The following QKI variants were observed in gnomAD, a reference collection of about 807,000 sequenced individuals.
QKI encodes the protein QKI, KH domain containing RNA binding.
QKI carries 10 observed loss-of-function variants against 39.0 expected under a neutral mutation model. That is an observed-to-expected ratio of 0.26 (90% CI 0.16 to 0.43). QKI has a LOEUF of 0.43. QKI is among the 20% of genes least tolerant of loss of function. The pLI is 1.00. For synonymous variants in QKI, 204 were observed against 155.4 expected, an observed-to-expected ratio of 1.31 and a Z score of -2.33; for missense variants, 218 against 428.0, an observed-to-expected ratio of 0.51 and a Z score of 4.33.
chr6:163,503,137 A>ATTTTTT (rs57383986), intron 3 of QKI, among the ~76,000 whole-genome samples: 1 of 100,034 alleles, frequency 1.0e-5, no homozygotes, highest in Non-Finnish European at 2.0e-5. Flanking sequence ...GGCCCCTTGT[A>ATTTTTT]TTTTTTTTTT....
chr6:163,539,968 T>G (rs1781412752), intron 4 of QKI, among the ~76,000 whole-genome samples: 1 of 152,126 alleles, frequency 6.6e-6, no homozygotes, highest in African/African-American at 2.4e-5. Context: ...AGGTCAGTTT[T>G]TATATTAAGG....
Position 163,563,483 on chromosome 6 carries a change from C to T in QKI, c.698C>T (p.Ala233Val), listed in dbSNP as rs759804797. The T allele has an allele frequency of 1.9e-6, 3 of 1,614,070 alleles. No individual in the cohort carries two copies. The highest frequency in any genetic ancestry group is 2.5e-6 in the Non-Finnish European group (3 of 1,179,968). ...QAAPRIITGP[A>V]PVLPPAALRT... The stretch of plus-strand genomic sequence containing the variant: ...GCTCCAAGGATCATTACTGGGCCTG[C>T]GCCGGTTCTCCCACCAGCTGCCCTG... Residue 233 changes from alanine (A) to valine (V), a missense_variant, in exon 6 of 8, where the codon GCG becomes GTG. Transcript: ENST00000361752.
intron 3 of QKI, among the ~76,000 whole-genome samples, chr6:163,506,495 A>G (rs1430457604): frequency 1.3e-5 from 2 of 152,152 alleles, no homozygotes; most frequent in Non-Finnish European, 2.9e-5. Context: ...ATGATTTGTG[A>G]TATCTGGAAA....
intron 3 of QKI, among the ~76,000 whole-genome samples, chr6:163,528,123 T>G (rs960552320): frequency 6.6e-6 from 1 of 152,124 alleles, no homozygotes; most frequent in African/African-American, 2.4e-5. Flanking sequence ...GAAAGAATAC[T>G]TGACATGAAG....
intron 3 of QKI, among the ~76,000 whole-genome samples, chr6:163,534,693 A>G (rs1781084799): frequency 6.6e-6 from 1 of 152,214 alleles, no homozygotes; most frequent in Non-Finnish European, 1.5e-5. Flanking sequence ...ATGATGATGT[A>G]TGCTTCTAGT....
intron 4 of QKI, among the ~76,000 whole-genome samples, chr6:163,558,303 A>G (rs554781531): frequency 6.6e-6 from 1 of 152,310 alleles, no homozygotes; most frequent in South Asian, 2.1e-4. Context: ...CGTACTACCA[A>G]ATCTCATTGT....
intron 1 of QKI, among the ~76,000 whole-genome samples, chr6:163,438,400 G>T (rs545459177): frequency 1.3e-5 from 2 of 152,274 alleles, no homozygotes; most frequent in South Asian, 4.1e-4. Flanking sequence ...ATTGCTTAAA[G>T]ACAGTGATAG....
chr6:163,425,078 CACT>C (rs1270869080), intron 1 of QKI, among the ~76,000 whole-genome samples: 47 of 152,146 alleles, frequency 3.1e-4, no homozygotes, highest in African/African-American at 1.1e-3. Flanking sequence ...GCATGAGAGT[CACT>C]ACTAACATTC....
At chr6:163,568,375 G>T (rs940936216) in intron 7 of QKI, 1 of 985,588 alleles carries the variant, frequency 1.0e-6, no homozygotes, top group African/African-American at 1.7e-5. Flanking sequence ...ACATATTTTA[G>T]GAAGATTTTA....
intron 4 of QKI, among the ~76,000 whole-genome samples, chr6:163,553,084 T>C (rs1355640334): frequency 8.9e-6 from 1 of 112,896 alleles, no homozygotes; most frequent in Non-Finnish European, 1.8e-5. Context: ...ATTTATTTAT[T>C]TATTTATTTA....
intron 2 of QKI, among the ~76,000 whole-genome samples, chr6:163,465,090 T>G (rs1791635114): frequency 6.6e-6 from 1 of 152,076 alleles, no homozygotes. Context: ...AACCATAAGA[T>G]CATCTTAAAA....
intron 1 of QKI, among the ~76,000 whole-genome samples, chr6:163,420,305 G>C (rs758093684): frequency 5.9e-5 from 9 of 151,734 alleles, no homozygotes; most frequent in Non-Finnish European, 1.2e-4. Context: ...GAGAAATTCG[G>C]TGTAGCTAAT....
intron 3 of QKI, among the ~76,000 whole-genome samples, chr6:163,485,937 A>G (rs1007647051): frequency 7.3e-5 from 11 of 151,546 alleles, no homozygotes; most frequent in African/African-American, 2.7e-4. Flanking sequence ...AGCTAAAAAC[A>G]AACAAACAAA....
intron 2 of QKI, among the ~76,000 whole-genome samples, chr6:163,476,032 A>G (rs931092632): frequency 2.6e-5 from 4 of 152,204 alleles, no homozygotes; most frequent in African/African-American, 9.6e-5. Context: ...AACACAGGAA[A>G]CTTCAAATGT....
intron 3 of QKI, among the ~76,000 whole-genome samples, chr6:163,513,159 T>G (rs1356521508): frequency 1.3e-5 from 2 of 152,178 alleles, no homozygotes; most frequent in Admixed American, 1.3e-4. Context: ...GTGTATATAG[T>G]GTTTGGTACT....
intron 3 of QKI, among the ~76,000 whole-genome samples, chr6:163,504,133 G>A (rs1036010006): frequency 6.6e-6 from 1 of 152,046 alleles, no homozygotes; most frequent in Admixed American, 6.6e-5. Flanking sequence ...TATTGAATGG[G>A]GGATCTGTTC....
chr6:163,422,089 T>G (rs1347954592), intron 1 of QKI, among the ~76,000 whole-genome samples: 2 of 152,180 alleles, frequency 1.3e-5, no homozygotes, highest in Non-Finnish European at 2.9e-5. Context: ...TTACTGTGCT[T>G]TAGCAGTAAC....
At chr6:163,495,652 A>T (rs1049184237) in intron 3 of QKI, among the ~76,000 whole-genome samples, 1 of 152,216 alleles carries the variant, frequency 6.6e-6, no homozygotes, top group African/African-American at 2.4e-5. Context: ...TCTGATTCAG[A>T]ATCTAGTCCA....
chr6:163,507,156 A>G (rs1045625138), intron 3 of QKI, among the ~76,000 whole-genome samples: 3 of 152,198 alleles, frequency 2.0e-5, no homozygotes, highest in Non-Finnish European at 4.4e-5. Context: ...CACCAAGGAA[A>G]TGTTTCTGGT....
Sources: gnomAD v4.1 joint callset for allele counts (sites outside exome capture counted in the v4.1 genomes callset) on GRCh38, gnomAD v4.1.1 for gene constraint, MANE v1.5 for transcripts, NCBI Gene and HGNC (gene_info 2026-07-23, HGNC 2026-07-21) for gene names.